PLCB1: variants seen among roughly 807,000 people sequenced by gnomAD.
The protein encoded by PLCB1 is phospholipase C beta 1.
In PLCB1, 46 loss-of-function variants were observed where a neutral mutation model predicts 161.8. The ratio of observed to expected loss-of-function variants is 0.28; its 90% CI spans 0.22 to 0.36. PLCB1 has a LOEUF of 0.36. Among genes scored for constraint, PLCB1 ranks in the 10% least tolerant of loss-of-function variants. The probability of loss-of-function intolerance (pLI) is 1.00; values close to 1 mark genes in which losing one functional copy is unlikely to be tolerated. For missense variants in PLCB1, 1,016 were observed against 1,472.5 expected (o/e 0.69, Z 5.07); for synonymous variants, 517 against 503.7 (o/e 1.03, Z -0.35).
At chr20:8,495,247 T>A (rs1393837215) in intron 3 of PLCB1, among the ~76,000 whole-genome samples, 1 of 152,140 alleles carries the variant, frequency 6.6e-6, no homozygotes, top group African/African-American at 2.4e-5. Context: ...TATTTTATAC[T>A]TAAGGAAGCA....
intron 2 of PLCB1, among the ~76,000 whole-genome samples, chr20:8,341,044 G>A (rs1985790289): frequency 6.6e-6 from 1 of 152,136 alleles, no homozygotes; most frequent in African/African-American, 2.4e-5. Flanking sequence ...CCAGAATCAT[G>A]CTTGGGTATC....
At chr20:8,473,027 A>G (rs571741810) in intron 3 of PLCB1, among the ~76,000 whole-genome samples, 1 of 152,310 alleles carries the variant, frequency 6.6e-6, no homozygotes, top group African/African-American at 2.4e-5. Context: ...TCAAGCCAGA[A>G]GGAGAAAGAG....
intron 26 of PLCB1, 152 bp downstream of exon 26, chr20:8,765,510 G>A (rs1457900929): frequency 9.7e-6 from 6 of 620,774 alleles, no homozygotes; most frequent in Admixed American, 9.5e-5. Context: ...CCTTAGCCCA[G>A]ATTTGCTTGT....
chr20:8,150,168 T>C, intron 1 of PLCB1, 126 bp from the exon 2 acceptor site: 1 of 445,514 alleles, frequency 2.2e-6, no homozygotes, highest in South Asian at 5.6e-5. Flanking sequence ...CTAATTTCTT[T>C]TGAAATTTTT....
At chr20:8,344,895 T>C (rs1250384663) in intron 2 of PLCB1, among the ~76,000 whole-genome samples, 1 of 152,192 alleles carries the variant, frequency 6.6e-6, no homozygotes, top group Non-Finnish European at 1.5e-5. Flanking sequence ...GATATAAGCA[T>C]TGGTGAAAGT....
intron 3 of PLCB1, among the ~76,000 whole-genome samples, chr20:8,372,913 A>G (rs889575537): frequency 8.5e-5 from 13 of 152,184 alleles, no homozygotes; most frequent in Admixed American, 3.9e-4. Context: ...GTTTGTCCCC[A>G]GGCATTGGGA....
chr20:8,268,155 C>G (rs2123257230), intron 2 of PLCB1, among the ~76,000 whole-genome samples: 1 of 152,064 alleles, frequency 6.6e-6, no homozygotes, highest in African/African-American at 2.4e-5. Context: ...TGTGATGTTC[C>G]CCACCCTGTG....
At chr20:8,784,428 T>C (rs1175754386) in intron 27 of PLCB1, among the ~76,000 whole-genome samples, 2 of 152,034 alleles carry the variant, frequency 1.3e-5, no homozygotes, top group Admixed American at 1.3e-4. Flanking sequence ...CTGGGTATGG[T>C]GGCACACGCC....
At chr20:8,817,616 G>C (rs1044439670) in intron 31 of PLCB1, among the ~76,000 whole-genome samples, 1 of 152,170 alleles carries the variant, frequency 6.6e-6, no homozygotes, top group African/African-American at 2.4e-5. Context: ...CTGGGCTCCT[G>C]ACATAATTAA....
At chr20:8,593,354 T>C (rs891976554) in intron 3 of PLCB1, among the ~76,000 whole-genome samples, 63 of 149,914 alleles carry the variant, frequency 4.2e-4, no homozygotes, top group Middle Eastern at 3.4e-3. Context: ...TGTGTGCGCG[T>C]GTGTGTGTGT....
intron 31 of PLCB1, among the ~76,000 whole-genome samples, chr20:8,876,015 T>C (rs572197731): frequency 5.9e-5 from 9 of 152,162 alleles, no homozygotes; most frequent in Non-Finnish European, 1.3e-4. Context: ...CAAAAATCTT[T>C]GACAACACAG....
chr20:8,691,550 C>A (rs1041904375), intron 10 of PLCB1, among the ~76,000 whole-genome samples: 1 of 152,116 alleles, frequency 6.6e-6, no homozygotes, highest in African/African-American at 2.4e-5. Flanking sequence ...CTTGTCACCA[C>A]CCAACTTATT....
intron 3 of PLCB1, among the ~76,000 whole-genome samples, chr20:8,462,174 AG>A (rs1981609368): frequency 6.6e-6 from 1 of 152,190 alleles, no homozygotes; most frequent in Non-Finnish European, 1.5e-5. Context: ...AAAAATCACA[AG>A]GGGTAACATT....
At chr20:8,871,898 G>C (rs1987622321) in intron 31 of PLCB1, among the ~76,000 whole-genome samples, 1 of 152,098 alleles carries the variant, frequency 6.6e-6, no homozygotes, top group Non-Finnish European at 1.5e-5. Context: ...GTATGATCTT[G>C]TTTAAACCTT....
intron 1 of PLCB1, among the ~76,000 whole-genome samples, chr20:8,138,513 C>G (rs540729582): frequency 2.0e-5 from 3 of 152,170 alleles, no homozygotes; most frequent in Non-Finnish European, 4.4e-5. Context: ...GTTCATGCAA[C>G]CTTTCAGATC....
intron 3 of PLCB1, among the ~76,000 whole-genome samples, chr20:8,592,473 T>C (rs2123112442): frequency 6.6e-6 from 1 of 152,342 alleles, no homozygotes; most frequent in East Asian, 1.9e-4. Context: ...GGGAACCTAT[T>C]GTTGGCATTT....
rs545682176 is a variant in PLCB1, at chr20:8,421,924, A to G, written c.246+50474A>G. On this transcript the variant is annotated intron_variant, in intron 3 of 31. Transcript: ENST00000338037. ...GGCTCAGTATTCCTTCTGACTCACC[A>G]TCTTCACTTCGTTGAAGTTAAAGAC... Among the ~76,000 whole-genome samples the G allele has an allele frequency of 3.0e-3, 461 of 152,312 alleles. 1 individual carries two copies. Among genetic ancestry groups the G allele is most frequent in the Middle Eastern group, 6.8e-3 (2 of 294 alleles).
intron 2 of PLCB1, among the ~76,000 whole-genome samples, chr20:8,341,124 A>C (rs966447075): frequency 6.6e-6 from 1 of 151,710 alleles, no homozygotes; most frequent in African/African-American, 2.4e-5. Flanking sequence ...ACACATCACA[A>C]AGCTTCTCTT....
At chr20:8,432,914 T>C (rs1368268899) in intron 3 of PLCB1, among the ~76,000 whole-genome samples, 2 of 152,220 alleles carry the variant, frequency 1.3e-5, no homozygotes, top group Admixed American at 6.5e-5. Flanking sequence ...TTTCTGCCAG[T>C]GGCGCCCGTG....
Sources: gnomAD v4.1 joint callset for allele counts (sites outside exome capture counted in the v4.1 genomes callset) on GRCh38, gnomAD v4.1.1 for gene constraint, MANE v1.5 for transcripts, NCBI Gene and HGNC (gene_info 2026-07-23, HGNC 2026-07-21) for gene names.